Variants in ZFAND3 observed in about 807,000 individuals in gnomAD.
The protein encoded by ZFAND3 is AN1-type zinc finger protein 3.
Under a neutral mutation model 29.6 loss-of-function variants are expected in ZFAND3, and 10 were observed. That is an observed-to-expected ratio of 0.34 (90% CI 0.21 to 0.57). The LOEUF (loss-of-function observed/expected upper bound fraction) is 0.57. ZFAND3 is among the 20% of genes least tolerant of loss of function. The pLI, the probability that ZFAND3 is intolerant of heterozygous loss-of-function variation, is 0.86. For synonymous variants in ZFAND3, 128 were observed against 112.6 expected (o/e 1.14, Z -0.87); for missense variants, 230 against 304.5 (o/e 0.76, Z 1.82).
chr6:38,092,633 G>A (rs758105027), intron 4 of ZFAND3, among the ~76,000 whole-genome samples: 2 of 152,164 alleles, frequency 1.3e-5, no homozygotes, highest in Non-Finnish European at 2.9e-5. Flanking sequence ...GTTTTCCAGT[G>A]AATGGAAAAC....
At chr6:38,093,371 A>G (rs1764911093) in intron 4 of ZFAND3, among the ~76,000 whole-genome samples, 1 of 152,344 alleles carries the variant, frequency 6.6e-6, no homozygotes, top group Admixed American at 6.5e-5. Context: ...AAGGAGTAGG[A>G]AGAAAACTTG....
At chr6:37,827,503 T>C (rs16890185) in intron 1 of ZFAND3, among the ~76,000 whole-genome samples, 30,045 of 152,186 alleles carry the variant, frequency 0.2, 3,783 homozygotes, top group African/African-American at 0.35. Flanking sequence ...TGGCAGCTTT[T>C]TATATGTGAT....
chr6:37,828,822 T>C (rs1420288775), intron 1 of ZFAND3, among the ~76,000 whole-genome samples: 2 of 152,148 alleles, frequency 1.3e-5, no homozygotes, highest in Non-Finnish European at 2.9e-5. Flanking sequence ...GGCTAATTTT[T>C]TGTATTTTTA....
At chr6:38,092,858 C>G (rs1561996154) in intron 4 of ZFAND3, among the ~76,000 whole-genome samples, 1 of 152,292 alleles carries the variant, frequency 6.6e-6, no homozygotes, top group East Asian at 1.9e-4. Context: ...CATTCTGGTA[C>G]TTCATGTATT....
intron 5 of ZFAND3, among the ~76,000 whole-genome samples, chr6:38,134,145 A>C (rs1765797199): frequency 6.6e-6 from 1 of 152,184 alleles, no homozygotes; most frequent in Non-Finnish European, 1.5e-5. Context: ...ATGCTTCTGG[A>C]AAACCGGGTC....
intron 2 of ZFAND3, among the ~76,000 whole-genome samples, chr6:37,940,456 TA>T (rs541316700): frequency 7.6e-4 from 116 of 152,374 alleles, no homozygotes; most frequent in African/African-American, 2.6e-3. Context: ...TTTCATGCTA[TA>T]AAATTTTATA....
intron 5 of ZFAND3, among the ~76,000 whole-genome samples, chr6:38,133,331 C>G (rs1249690671): frequency 6.6e-6 from 1 of 152,202 alleles, no homozygotes; most frequent in South Asian, 2.1e-4. Flanking sequence ...CTTGAATACA[C>G]TGTGAGATCC....
intron 1 of ZFAND3, among the ~76,000 whole-genome samples, chr6:37,920,274 T>C (rs549883496): frequency 1.5e-4 from 23 of 152,010 alleles, no homozygotes; most frequent in Non-Finnish European, 2.8e-4. Flanking sequence ...GTTTCTCTTA[T>C]GTGGAAAAAT....
chr6:37,921,176 G>A (rs1257791343), intron 1 of ZFAND3, among the ~76,000 whole-genome samples: 1 of 152,086 alleles, frequency 6.6e-6, no homozygotes, highest in Non-Finnish European at 1.5e-5. Context: ...ATTCAGAAAT[G>A]TGACTAATTT....
chr6:37,877,340 G>T (rs1405539945), intron 1 of ZFAND3, among the ~76,000 whole-genome samples: 1 of 152,162 alleles, frequency 6.6e-6, no homozygotes, highest in Non-Finnish European at 1.5e-5. Flanking sequence ...TTCCTTGGTA[G>T]CTGGTTGTGG....
chr6:37,976,541 G>A (rs201623538), intron 2 of ZFAND3, among the ~76,000 whole-genome samples: 2 of 136,146 alleles, frequency 1.5e-5, no homozygotes, highest in African/African-American at 2.8e-5. Flanking sequence ...CCGAGATTGC[G>A]CCACTGCACT....
intron 2 of ZFAND3, among the ~76,000 whole-genome samples, chr6:37,960,652 T>A (rs1028685935): frequency 6.6e-6 from 1 of 152,216 alleles, no homozygotes; most frequent in Non-Finnish European, 1.5e-5. Context: ...TTAGAAAATG[T>A]TGCTGTATTT....
rs566477171 is a variant in ZFAND3 at position 37,860,171 on chromosome 6, A to G, written c.71+40155A>G. On this transcript the variant is annotated intron_variant, in intron 1 of 5. Coordinates refer to ENST00000287218, the MANE Select transcript of ZFAND3 (RefSeq NM_021943.3). ...CAGGCGTGAACCACCGTGCCAGGCCAAAAAGAGTTTTTTTTTTTTTTTTTT... is the reference window on the plus strand; with the variant it reads ...CAGGCGTGAACCACCGTGCCAGGCCGAAAAGAGTTTTTTTTTTTTTTTTTT... Among the ~76,000 whole-genome samples the G allele has an allele frequency of 4.5e-3, 582 of 130,090 alleles. 6 individuals carry two copies. Among genetic ancestry groups the G allele is most frequent in the Middle Eastern group, 7.5e-3 (2 of 268 alleles). The allele number at this position is 130,090 out of a possible 152,430, so 85.3% of individuals were successfully genotyped here.
intron 2 of ZFAND3, among the ~76,000 whole-genome samples, chr6:37,963,172 A>ACC (rs1762229316): frequency 6.6e-6 from 1 of 152,200 alleles, no homozygotes; most frequent in South Asian, 2.1e-4. Flanking sequence ...AACCCACTGG[A>ACC]AGGAACCAAT....
Position 37,839,942 on chromosome 6 carries a change from T to C in ZFAND3, c.71+19926T>C, listed in dbSNP as rs188433861. On this transcript the variant is annotated intron_variant, in intron 1 of 5. Coordinates refer to ENST00000287218, the MANE Select transcript of ZFAND3 (RefSeq NM_021943.3). ...ATGTGTCCTTTAGAGCACAAAAGTTTTAATTTTGATGAATTCTTATTTATC... is the reference window on the plus strand; with the variant it reads ...ATGTGTCCTTTAGAGCACAAAAGTTCTAATTTTGATGAATTCTTATTTATC... Among the ~76,000 whole-genome samples, 481 of 152,348 alleles carry C rather than the reference T, an allele frequency of 3.2e-3. 2 individuals carry two copies. The highest frequency in any genetic ancestry group is 8.9e-3 in the African/African-American group (371 of 41,584).
intron 2 of ZFAND3, among the ~76,000 whole-genome samples, chr6:37,980,161 G>GTTTTT (rs1284042886): frequency 2.0e-5 from 1 of 50,746 alleles, no homozygotes; most frequent in African/African-American, 4.7e-5. Flanking sequence ...AGAGGTCACT[G>GTTTTT]TCTTTTTTTT....
Position 38,002,066 on chromosome 6 carries a change from A to G in ZFAND3, c.113-59527A>G, listed in dbSNP as rs546419006. Among the ~76,000 whole-genome samples the G allele has an allele frequency of 2.6e-5, 4 of 152,312 alleles. No individual in the cohort carries two copies. In the East Asian group the frequency reaches 5.8e-4, roughly 22 times the overall value. ...TGCAGAAAGCCTGAGATTTTGTCCTATTCAATAAAACGGCTGAATTATAGA... is the reference window on the plus strand; with the variant it reads ...TGCAGAAAGCCTGAGATTTTGTCCTGTTCAATAAAACGGCTGAATTATAGA... On this transcript the variant is annotated intron_variant, in intron 2 of 5. Transcript: ENST00000287218.
chr6:37,945,159 T>C (rs1761879074), intron 2 of ZFAND3, among the ~76,000 whole-genome samples: 1 of 152,206 alleles, frequency 6.6e-6, no homozygotes, highest in Non-Finnish European at 1.5e-5. Flanking sequence ...TCGTCTTAGC[T>C]AGCTTAACCC....
chr6:37,872,473 C>A (rs1234504541), intron 1 of ZFAND3, among the ~76,000 whole-genome samples: 1 of 152,042 alleles, frequency 6.6e-6, no homozygotes, highest in Non-Finnish European at 1.5e-5. Flanking sequence ...CATACACACC[C>A]GCAGTAGGGA....
Sources: gnomAD v4.1 joint callset for allele counts (sites outside exome capture counted in the v4.1 genomes callset) on GRCh38, gnomAD v4.1.1 for gene constraint, MANE v1.5 for transcripts, NCBI Gene and HGNC (gene_info 2026-07-23, HGNC 2026-07-21) for gene names.